JMJD1C: variants seen among roughly 807,000 people sequenced by gnomAD.
The protein encoded by JMJD1C is jumonji domain containing 1C.
A neutral mutation model predicts 245.3 loss-of-function variants in JMJD1C; 31 were observed. That is an observed-to-expected ratio of 0.13 (90% CI 0.09 to 0.17). The LOEUF (loss-of-function observed/expected upper bound fraction) is 0.17. Ranked by LOEUF, JMJD1C falls within the 10% of genes least tolerant of loss-of-function variation. JMJD1C has a pLI of 1.00. For synonymous variants in JMJD1C, 1,057 were observed against 1,017.4 expected, an observed-to-expected ratio of 1.04 and a Z score of -0.74; for missense variants, 2,691 against 3,000.2, an observed-to-expected ratio of 0.90 and a Z score of 2.41.
At chr10:63,466,191 A>C, upstream of JMJD1C, 1 of 184,958 alleles carries the variant, frequency 5.4e-6, no homozygotes, top group Non-Finnish European at 1.1e-5. Flanking sequence ...GGGCCGCGGG[A>C]AAGTAGGCGA....
At chr10:63,168,843 T>C (rs1015353913) in intron 24 of JMJD1C, among the ~76,000 whole-genome samples, 2 of 148,260 alleles carry the variant, frequency 1.3e-5, no homozygotes, top group Non-Finnish European at 3.0e-5. Context: ...TAACCAGATA[T>C]TAAATTATCA....
Position 63,465,526 on chromosome 10 carries a change from G to A in JMJD1C, c.137C>T (p.Ser46Leu). The A allele has an allele frequency of 6.2e-7, 1 of 1,604,562 alleles. No individual in the cohort carries two copies. Among genetic ancestry groups the A allele is most frequent in the Non-Finnish European group, 8.5e-7 (1 of 1,178,176 alleles). Residue 46 changes from serine to leucine, a missense_variant, in exon 1 of 26, where the codon TCA becomes TTA. Transcript: ENST00000399262. Reference protein sequence around the residue: ...SWRAGVIRAVSHRDSRNPDLA... With the variant: ...SWRAGVIRAVLHRDSRNPDLA... ...GTCCGGATTGCGGCTGTCCCTGTGT[G>A]ACACGGCTCGGATGACCCCCGCTCG...
intron 3 of JMJD1C, among the ~76,000 whole-genome samples, chr10:63,242,979 G>C (rs933637779): frequency 2.0e-5 from 3 of 151,388 alleles, no homozygotes; most frequent in Admixed American, 6.6e-5. Context: ...TAGCATTTCA[G>C]ATAGTAAGCA....
At chr10:63,326,254 G>A (rs1198249395) in intron 2 of JMJD1C, among the ~76,000 whole-genome samples, 2 of 152,038 alleles carry the variant, frequency 1.3e-5, no homozygotes, top group Non-Finnish European at 2.9e-5. Context: ...CAGCACTTTG[G>A]AAGGCCGAGA....
intron 3 of JMJD1C, among the ~76,000 whole-genome samples, chr10:63,253,418 C>T (rs1315246455): frequency 2.7e-5 from 4 of 150,750 alleles, no homozygotes; most frequent in Non-Finnish European, 5.9e-5. Context: ...AAGTCTTGCT[C>T]TGTCGCCCAG....
chr10:63,235,929 T>C (rs562119188), intron 3 of JMJD1C, among the ~76,000 whole-genome samples: 2 of 152,322 alleles, frequency 1.3e-5, no homozygotes, highest in Non-Finnish European at 2.9e-5. Flanking sequence ...TTTATTGTTA[T>C]TTTTAAAAAC....
chr10:63,271,704 A>C (rs1042026462), intron 2 of JMJD1C, among the ~76,000 whole-genome samples: 38 of 152,318 alleles, frequency 2.5e-4, no homozygotes, highest in African/African-American at 7.7e-4. Flanking sequence ...TGCATGCACC[A>C]CAACACTTGG....
chr10:63,339,940 G>T (rs959261320), intron 2 of JMJD1C, among the ~76,000 whole-genome samples: 2 of 152,104 alleles, frequency 1.3e-5, no homozygotes, highest in Non-Finnish European at 2.9e-5. Context: ...AGTCCCTGTA[G>T]TCCCAGCTAC....
chr10:63,400,457 T>C (rs983317994), intron 1 of JMJD1C, among the ~76,000 whole-genome samples: 12 of 152,192 alleles, frequency 7.9e-5, no homozygotes, highest in African/African-American at 1.9e-4. Flanking sequence ...TAGGTGAACA[T>C]TGTTAACTCA....
chr10:63,224,695 A>G (rs531854955), intron 3 of JMJD1C, among the ~76,000 whole-genome samples: 2 of 152,342 alleles, frequency 1.3e-5, no homozygotes, highest in Admixed American at 1.3e-4. Flanking sequence ...ATTAAAAACT[A>G]GCTATGAATA....
At chr10:63,182,512 A>C (rs1212583838) in intron 22 of JMJD1C, among the ~76,000 whole-genome samples, 1 of 152,216 alleles carries the variant, frequency 6.6e-6, no homozygotes, top group East Asian at 1.9e-4. Flanking sequence ...ATGAGGGTAG[A>C]ACCAATAGGA....
intron 1 of JMJD1C, among the ~76,000 whole-genome samples, chr10:63,394,236 A>C (rs1354414770): frequency 6.6e-6 from 1 of 151,980 alleles, no homozygotes; most frequent in Admixed American, 6.6e-5. Flanking sequence ...ATCAAAAAAA[A>C]CTAGACACAC....
intron 3 of JMJD1C, among the ~76,000 whole-genome samples, chr10:63,237,714 T>C (rs1564659549): frequency 6.6e-6 from 1 of 152,158 alleles, no homozygotes; most frequent in Non-Finnish European, 1.5e-5. Context: ...AACATTTGCA[T>C]TACGCTTAGT....
chr10:63,423,789 T>C (rs1414029676), intron 1 of JMJD1C, among the ~76,000 whole-genome samples: 1 of 152,212 alleles, frequency 6.6e-6, no homozygotes, highest in Non-Finnish European at 1.5e-5. Context: ...ATTTCTCCAA[T>C]CCTCTCCAAC....
intron 2 of JMJD1C, among the ~76,000 whole-genome samples, chr10:63,310,203 T>C (rs1347234633): frequency 6.6e-6 from 1 of 152,168 alleles, no homozygotes; most frequent in Non-Finnish European, 1.5e-5. Context: ...ACGAAATGAT[T>C]ACAGTAAACA....
At chr10:63,337,834 G>T (rs1274552465) in intron 2 of JMJD1C, among the ~76,000 whole-genome samples, 1 of 151,992 alleles carries the variant, frequency 6.6e-6, no homozygotes, top group Non-Finnish European at 1.5e-5. Context: ...ACATTCTGTT[G>T]TTATTACTAT....
rs1589629572 is a variant in JMJD1C at position 63,380,549 on chromosome 10, G to A, written c.169-67C>T. The A allele has an allele frequency of 1.2e-5, 15 of 1,217,314 alleles. No individual in the cohort carries two copies. In the East Asian group the frequency reaches 3.6e-4, roughly 29 times the overall value. The allele number at this position is 1,217,314 out of a possible 1,614,324, so 75.4% of individuals were successfully genotyped here. A position where few individuals can be genotyped will look rare whatever the true frequency, so the allele number is the denominator to read the frequency against. On this transcript the variant is annotated intron_variant, in intron 1 of 25. Coordinates refer to ENST00000399262, the MANE Select transcript of JMJD1C (RefSeq NM_032776.3). ...GAGTGGTATATCTTTTTTTACTAAT[G>A]CATAATAATTGTACATATTTATGGG...
At chr10:63,218,697 T>C (rs1399681404) in intron 4 of JMJD1C, among the ~76,000 whole-genome samples, 4 of 152,034 alleles carry the variant, frequency 2.6e-5, no homozygotes, top group Non-Finnish European at 4.4e-5. Flanking sequence ...AAGGATACAA[T>C]GCAGAAACAA....
chr10:63,371,287 G>C (rs1225811369), intron 2 of JMJD1C, among the ~76,000 whole-genome samples: 1 of 151,894 alleles, frequency 6.6e-6, no homozygotes, highest in Non-Finnish European at 1.5e-5. Context: ...TGGTCTATAA[G>C]ACTTTTTAAA....
Sources: allele counts gnomAD v4.1 joint callset (sites outside exome capture counted in the v4.1 genomes callset), GRCh38; gene constraint gnomAD v4.1.1; transcripts MANE v1.5; gene names NCBI Gene and HGNC (gene_info 2026-07-23, HGNC 2026-07-21).